Variants in CDH18 observed in about 807,000 individuals in gnomAD.
CDH18 encodes cadherin 18, also known as cadherin-18.
In CDH18, 31 loss-of-function variants were observed where a neutral mutation model predicts 67.9. The observed-to-expected ratio is 0.46, with a 90% CI of 0.34 to 0.62. The LOEUF is 0.62. Ranked by LOEUF, CDH18 falls within the 20% of genes least tolerant of loss-of-function variation. The probability of loss-of-function intolerance (pLI) is 0.01; values close to 1 mark genes in which losing one functional copy is unlikely to be tolerated. For synonymous variants in CDH18, 362 were observed against 347.2 expected, an observed-to-expected ratio of 1.04 and a Z score of -0.48; for missense variants, 890 against 975.5, an observed-to-expected ratio of 0.91 and a Z score of 1.17.
chr5:20,100,607 T>A (rs906232803), intron 2 of CDH18, among the ~76,000 whole-genome samples: 1 of 152,222 alleles, frequency 6.6e-6, no homozygotes, highest in Non-Finnish European at 1.5e-5. Flanking sequence ...ATTTTGCTTA[T>A]GTGTTTGTGT....
At chr5:19,807,993 A>C (rs1778208145) in intron 3 of CDH18, among the ~76,000 whole-genome samples, 1 of 152,216 alleles carries the variant, frequency 6.6e-6, no homozygotes, top group African/African-American at 2.4e-5. Flanking sequence ...CATTTTGAGT[A>C]AATGAATATA....
In CDH18 at chr5:19,838,883, C is replaced by G. The variant is rs771243131; in HGVS notation, c.104G>C (p.Arg35Thr). Residue 35 changes from arginine (R) to threonine (T), a missense_variant, in exon 3 of 13, where the codon AGA (arginine) becomes ACA (threonine). Physicochemically the swap from Arg to Thr is moderately conservative, Grantham distance 71 (BLOSUM62 -1). This residue lies in a region of CDH18 where 234 missense variants were observed against 307.4 expected (regional missense o/e 0.76). Transcript: ENST00000382275. Reference sequence around the variant, plus strand: ...ACCTTCAATGTGTTTGGTTTGGTTTCTCATCACCTTGATGGAGCTGTGGTG... The same window carrying G: ...ACCTTCAATGTGTTTGGTTTGGTTTGTCATCACCTTGATGGAGCTGTGGTG... ...TAHHSSIKVM[R>T]NQTKHIEGET... 16 of 1,614,094 alleles carry G rather than the reference C, an allele frequency of 9.9e-6. No homozygotes were observed. Among genetic ancestry groups the G allele is most frequent in the Non-Finnish European group, 1.3e-5 (15 of 1,179,962 alleles).
At chr5:19,601,159 G>T (rs1487708643) in intron 6 of CDH18, among the ~76,000 whole-genome samples, 5 of 152,140 alleles carry the variant, frequency 3.3e-5, no homozygotes, top group African/African-American at 1.2e-4. Context: ...ATCTTGGTCT[G>T]CAGGAGGTTA....
chr5:19,546,093 A>C (rs1454752495), intron 8 of CDH18, among the ~76,000 whole-genome samples: 2 of 152,148 alleles, frequency 1.3e-5, no homozygotes, highest in Non-Finnish European at 2.9e-5. Context: ...AACTGGGGTG[A>C]ATTCTGTTAG....
At chr5:19,843,242 C>T (rs1782547199) in intron 2 of CDH18, among the ~76,000 whole-genome samples, 1 of 152,168 alleles carries the variant, frequency 6.6e-6, no homozygotes, top group African/African-American at 2.4e-5. Flanking sequence ...CTGGGCCAGG[C>T]CCAGTGCCTT....
Position 19,746,985 on chromosome 5 carries a change from T to A in CDH18, c.480A>T (p.Thr160=), listed in dbSNP as rs1452418053. The part of the protein sequence containing the change: ...QDINDNAPKF[T]DGPYIVTVPE... ...GCACAGTAACAATGTATGGTCCATC[T>A]GTGAATTTTGGAGCGTTGTCATTGA... The change falls in exon 4 of 13, where the codon ACA becomes ACT. Residue 160 remains threonine (T), a synonymous_variant. Transcript: ENST00000382275. 6.2e-7 allele frequency: 1 copy of A among 1,614,154 alleles called. No homozygotes were observed. Among genetic ancestry groups the A allele is most frequent in the Middle Eastern group, 1.6e-4 (1 of 6,062 alleles).
At chr5:19,863,663 A>T (rs1309961719) in intron 2 of CDH18, among the ~76,000 whole-genome samples, 1 of 151,716 alleles carries the variant, frequency 6.6e-6, no homozygotes, top group African/African-American at 2.4e-5. Flanking sequence ...CTATCCACCA[A>T]TGCAACCTGG....
chr5:20,269,506 AC>A (rs1167822804), intron 1 of CDH18, among the ~76,000 whole-genome samples: 4 of 152,138 alleles, frequency 2.6e-5, no homozygotes, highest in Non-Finnish European at 5.9e-5. Context: ...TAAAGAAAAT[AC>A]GCTATATATA....
At chr5:19,586,559 T>C (rs1744178359) in intron 7 of CDH18, among the ~76,000 whole-genome samples, 1 of 152,220 alleles carries the variant, frequency 6.6e-6, no homozygotes, top group African/African-American at 2.4e-5. Flanking sequence ...TATTGCTGCA[T>C]AGTATTGCGT....
intron 2 of CDH18, among the ~76,000 whole-genome samples, chr5:19,935,829 ACT>A (rs1794201270): frequency 1.0e-5 from 1 of 97,458 alleles, no homozygotes; most frequent in Non-Finnish European, 2.1e-5. Flanking sequence ...TCTCTCTCTC[ACT>A]CTCTCTCTGT....
chr5:19,620,132 AG>A (rs1394063000), intron 5 of CDH18, among the ~76,000 whole-genome samples: 1 of 152,220 alleles, frequency 6.6e-6, no homozygotes, highest in African/African-American at 2.4e-5. Flanking sequence ...TTTATGCTTT[AG>A]TAGGAAGATT....
At chr5:20,448,644 C>A (rs1750193520) in intron 1 of CDH18, among the ~76,000 whole-genome samples, 1 of 151,998 alleles carries the variant, frequency 6.6e-6, no homozygotes, top group Non-Finnish European at 1.5e-5. Context: ...CTACCTACCT[C>A]AGTGATGCTG....
rs571560828 is a variant in CDH18 at position 20,430,781 on chromosome 5, T to C, written c.-580+144681A>G. 5.3e-5 allele frequency among the ~76,000 whole-genome samples: 8 copies of C among 152,334 alleles called. No homozygotes were observed. The South Asian group carries it at 1.4e-3, about 28-fold the overall frequency. ...CTCTAGGGATTTAACTTCACTAAGA[T>C]GGCCATGTGAAGTATTTAATTTATT... On this transcript the variant is annotated intron_variant, in intron 1 of 14. Coordinates refer to the CDH18 transcript ENST00000507958.
At chr5:20,304,875 T>C in intron 1 of CDH18, 2 of 1,612,044 alleles carry the variant, frequency 1.2e-6, no homozygotes, top group East Asian at 2.2e-5. Flanking sequence ...TTGCTAAATA[T>C]TTCTCATAGT....
At chr5:19,799,596 G>A (rs1037730460) in intron 3 of CDH18, among the ~76,000 whole-genome samples, 2 of 151,870 alleles carry the variant, frequency 1.3e-5, no homozygotes, top group African/African-American at 4.8e-5. Flanking sequence ...CATTATCTAG[G>A]AGTAATTTTT....
rs1048443539 is a variant in CDH18 at position 20,095,715 on chromosome 5, T to C, written c.-517-103701A>G. On this transcript the variant is annotated intron_variant, in intron 2 of 14. Transcript: ENST00000507958. ...TGAAGTCAAGGCAATGTAGATATCA[T>C]AGGAGACGATCAAAATTTTACTTTG... Among the ~76,000 whole-genome samples the C allele has an allele frequency of 7.3e-5, 11 of 151,204 alleles. 1 individual carries two copies. Among genetic ancestry groups the C allele is most frequent in the Middle Eastern group, 3.5e-3 (1 of 286 alleles).
chr5:19,765,596 G>T (rs1322039508), intron 3 of CDH18, among the ~76,000 whole-genome samples: 1 of 152,042 alleles, frequency 6.6e-6, no homozygotes, highest in Non-Finnish European at 1.5e-5. Context: ...ACACAATGAA[G>T]CTAATTCAAT....
chr5:20,342,147 T>TC (rs1462601109), intron 1 of CDH18, among the ~76,000 whole-genome samples: 2 of 152,188 alleles, frequency 1.3e-5, no homozygotes, highest in Non-Finnish European at 2.9e-5. Context: ...CAATGAAAGA[T>TC]CCATGCACAG....
intron 5 of CDH18, among the ~76,000 whole-genome samples, chr5:19,693,709 C>T (rs1405668211): frequency 2.6e-5 from 4 of 151,938 alleles, no homozygotes; most frequent in Non-Finnish European, 4.4e-5. Context: ...CCAGCCTGGC[C>T]AACATGGTGG....
Sources: gnomAD v4.1 joint callset for allele counts (sites outside exome capture counted in the v4.1 genomes callset) on GRCh38, gnomAD v4.1.1 for gene constraint, gnomAD v4.1.1 regional missense constraint, MANE v1.5 for transcripts, NCBI Gene and HGNC (gene_info 2026-07-23, HGNC 2026-07-21) for gene names.